The following ERI3 variants were observed in gnomAD, a reference collection of about 807,000 sequenced individuals.
ERI3 encodes the protein ERI1 exoribonuclease 3.
In ERI3, 18 loss-of-function variants were observed where a neutral mutation model predicts 44.4. The observed-to-expected ratio is 0.41, with a 90% CI of 0.28 to 0.60. The LOEUF (loss-of-function observed/expected upper bound fraction) is 0.60, where lower values mean the gene tolerates loss of function less well. ERI3 is among the 20% of genes least tolerant of loss of function. The pLI is 0.36. For synonymous variants in ERI3, 183 were observed against 164.8 expected (o/e 1.11, Z -0.84); for missense variants, 294 against 435.5 (o/e 0.68, Z 2.89).
intron 7 of ERI3, among the ~76,000 whole-genome samples, chr1:44,270,632 C>A (rs902504026): frequency 6.6e-6 from 1 of 152,160 alleles, no homozygotes; most frequent in Non-Finnish European, 1.5e-5. Flanking sequence ...GGGACTAGGA[C>A]TAAGAGGCTG....
chr1:44,283,678 G>C (rs111550277), intron 7 of ERI3, among the ~76,000 whole-genome samples: 269 of 152,306 alleles, frequency 1.8e-3, no homozygotes, highest in Non-Finnish European at 2.3e-3. Flanking sequence ...CAAAGCACCT[G>C]TCCACCAGTG....
At chr1:44,257,185 T>G (rs1438783917) in intron 7 of ERI3, among the ~76,000 whole-genome samples, 1 of 152,234 alleles carries the variant, frequency 6.6e-6, no homozygotes, top group African/African-American at 2.4e-5. Flanking sequence ...ATATATCATG[T>G]GATATTAAAT....
At chr1:44,238,323 C>G (rs1287831787) in intron 8 of ERI3, among the ~76,000 whole-genome samples, 1 of 151,978 alleles carries the variant, frequency 6.6e-6, no homozygotes, top group Non-Finnish European at 1.5e-5. Flanking sequence ...GCCAGGGGCT[C>G]CCCCCTGCGG....
chr1:44,331,594 G>A (rs570007219), intron 3 of ERI3, among the ~76,000 whole-genome samples: 2 of 152,146 alleles, frequency 1.3e-5, no homozygotes, highest in African/African-American at 2.4e-5. Context: ...CTTCTAGCTC[G>A]AATGTGAGAA....
chr1:44,284,868 C>T lies in ERI3; in HGVS notation c.798G>A (p.Ala266=), dbSNP rs762951528. The T allele has an allele frequency of 5.6e-6, 9 of 1,614,022 alleles. No individual in the cohort carries two copies. The highest frequency in any genetic ancestry group is 2.7e-5 in the African/African-American group (2 of 74,994). Residue 266 remains alanine (A), a synonymous_variant, in exon 7 of 9, where the codon GCG becomes GCA. Coordinates refer to ENST00000372257, the MANE Select transcript of ERI3 (RefSeq NM_024066.3). ...GATTAATCCACTGCTTGAAGTAATC[C>T]GCCACTGGCAAGCCCAAGTACTGGC... The part of the protein sequence containing the change: ...GQCQYLGLPV[A]DYFKQWINLK...
intron 5 of ERI3, among the ~76,000 whole-genome samples, chr1:44,310,976 CA>C (rs1645958579): frequency 8.7e-6 from 1 of 114,356 alleles, no homozygotes; most frequent in African/African-American, 2.9e-5. Flanking sequence ...CACACACACA[CA>C]CACACACACA....
chr1:44,251,446 T>C (rs1216156635), intron 7 of ERI3, among the ~76,000 whole-genome samples: 2 of 152,206 alleles, frequency 1.3e-5, no homozygotes, highest in Non-Finnish European at 2.9e-5. Flanking sequence ...TGAGGTGTCA[T>C]GGGCTATGTC....
chr1:44,343,842 G>T (rs1646732435), intron 2 of ERI3, among the ~76,000 whole-genome samples: 1 of 152,164 alleles, frequency 6.6e-6, no homozygotes, highest in African/African-American at 2.4e-5. Context: ...TGGGGCATTA[G>T]GTCGGCAACT....
At chr1:44,230,155 T>C (rs550792855) in intron 8 of ERI3, among the ~76,000 whole-genome samples, 4 of 152,236 alleles carry the variant, frequency 2.6e-5, no homozygotes, top group South Asian at 4.1e-4. Context: ...GCAGATAATA[T>C]CATCGGGCCT....
chr1:44,302,720 T>C (rs325149), intron 6 of ERI3, among the ~76,000 whole-genome samples: 109,442 of 151,974 alleles, frequency 0.72, 39,484 homozygotes, highest in East Asian at 0.81. Context: ...GAAAACATCC[T>C]GAGGCTCTGC....
intron 1 of ERI3, 128 bp from the exon 2 acceptor site, chr1:44,353,053 G>A: frequency 3.3e-6 from 5 of 1,515,098 alleles, no homozygotes; most frequent in Non-Finnish European, 4.4e-6. Context: ...TGCAAAGACA[G>A]TGCCCCCACA....
chr1:44,297,094 G>A (rs1032669947), intron 6 of ERI3, among the ~76,000 whole-genome samples: 15 of 152,084 alleles, frequency 9.9e-5, no homozygotes, highest in African/African-American at 2.2e-4. Context: ...GAAAGAAATC[G>A]CAGAGAAAAA....
At chr1:44,278,766 A>AT (rs1435485549) in intron 7 of ERI3, among the ~76,000 whole-genome samples, 1 of 151,926 alleles carries the variant, frequency 6.6e-6, no homozygotes, top group African/African-American at 2.4e-5. Context: ...CATCCGACTA[A>AT]TTTTTTGTAT....
At chr1:44,296,349 G>C (rs552073258) in intron 6 of ERI3, among the ~76,000 whole-genome samples, 2 of 152,216 alleles carry the variant, frequency 1.3e-5, no homozygotes, top group African/African-American at 4.8e-5. Context: ...GGGGGCGAGC[G>C]AGGGAGCCAG....
At chr1:44,226,868 T>C (rs956841468) in intron 8 of ERI3, among the ~76,000 whole-genome samples, 21 of 151,896 alleles carry the variant, frequency 1.4e-4, no homozygotes, top group Admixed American at 7.2e-4. Flanking sequence ...ATATTAACTT[T>C]TTAATCTGTC....
chr1:44,232,462 CATTCT>C (rs1553180917), intron 8 of ERI3, among the ~76,000 whole-genome samples: 5 of 152,236 alleles, frequency 3.3e-5, no homozygotes, highest in Non-Finnish European at 5.9e-5. Context: ...CTAAGAAAGG[CATTCT>C]ATGAGTATGG....
At chr1:44,249,023 C>T (rs1644617313) in intron 7 of ERI3, among the ~76,000 whole-genome samples, 2 of 152,034 alleles carry the variant, frequency 1.3e-5, no homozygotes, top group African/African-American at 4.8e-5. Flanking sequence ...AAACTGAGGC[C>T]CAGAAAGAAG....
intron 8 of ERI3, chr1:44,242,114 A>G: frequency 2.0e-6 from 2 of 985,704 alleles, no homozygotes; most frequent in Non-Finnish European, 2.4e-6. Context: ...CCTTCTCATG[A>G]CCATCCATCT....
In ERI3 at chr1:44,245,719, A is replaced by G. The variant is rs181301577; in HGVS notation, c.931+2220T>C. ...CAACAGGTGAACAGATAACAGGGGC[A>G]TTGCTGAGTCTCAAGAAGCACAAAG... On this transcript the variant is annotated intron_variant, in intron 8 of 8. Transcript: ENST00000372257. Among the ~76,000 whole-genome samples, 401 of 152,294 alleles carry G rather than the reference A, an allele frequency of 2.6e-3. 1 individual carries two copies. The highest frequency in any genetic ancestry group is 9.2e-3 in the African/African-American group (383 of 41,550).
Sources: allele counts gnomAD v4.1 joint callset (sites outside exome capture counted in the v4.1 genomes callset), GRCh38; gene constraint gnomAD v4.1.1; transcripts MANE v1.5; gene names NCBI Gene and HGNC (gene_info 2026-07-23, HGNC 2026-07-21).